REPS2: variants seen among roughly 807,000 people sequenced by gnomAD.
The protein encoded by REPS2 is RALBP1 associated Eps domain containing 2.
REPS2 carries 23 observed loss-of-function variants against 53.6 expected under a neutral mutation model. That is an observed-to-expected ratio of 0.43 (90% CI 0.31 to 0.61). The LOEUF (loss-of-function observed/expected upper bound fraction) is 0.61. REPS2 is among the 20% of genes least tolerant of loss of function. The probability of loss-of-function intolerance (pLI) is 0.11; values close to 1 mark genes in which losing one functional copy is unlikely to be tolerated. For missense variants in REPS2, 446 were observed against 534.9 expected (o/e 0.83, Z 1.64); for synonymous variants, 238 against 218.6 (o/e 1.09, Z -0.78).
intron 14 of REPS2, among the ~76,000 whole-genome samples, chrX:17,111,456 A>G (rs2062970449): frequency 8.9e-6 from 1 of 112,697 alleles, no homozygotes; most frequent in Non-Finnish European, 1.9e-5. Flanking sequence ...TTATAAACGT[A>G]TATCACTTAA....
chrX:16,966,469 A>G (rs2060771126), intron 1 of REPS2, among the ~76,000 whole-genome samples: 1 of 112,441 alleles, frequency 8.9e-6, no homozygotes, highest in Non-Finnish European at 1.9e-5. Context: ...ACCCAAGTCT[A>G]AACACGAAAT....
intron 12 of REPS2, among the ~76,000 whole-genome samples, chrX:17,075,230 G>T (rs140570329): frequency 1.2e-4 from 13 of 112,148 alleles, no homozygotes; most frequent in African/African-American, 4.2e-4. Context: ...GTCTGTACTA[G>T]TTGTGGGATA....
chrX:17,118,642 CA>C (rs2063097958), intron 14 of REPS2, among the ~76,000 whole-genome samples: 1 of 112,129 alleles, frequency 8.9e-6, no homozygotes. Context: ...AGAGAAAAAT[CA>C]TTCATTATAC....
At chrX:17,128,004 T>C (rs1057053834) in intron 14 of REPS2, among the ~76,000 whole-genome samples, 2 of 111,601 alleles carry the variant, frequency 1.8e-5, no homozygotes, top group African/African-American at 6.5e-5. Context: ...ATGTGGCAGC[T>C]GACTGTCTCC....
chrX:17,099,990 C>T (rs1032019085), intron 13 of REPS2: 25 of 1,151,991 alleles, frequency 2.2e-5, no homozygotes, highest in South Asian at 1.3e-4. Context: ...AGCAAAGCCT[C>T]GTGGCTTTTC....
intron 16 of REPS2, chrX:17,138,510 A>T (rs954002325): frequency 4.6e-5 from 6 of 129,508 alleles, no homozygotes; most frequent in African/African-American, 1.6e-4. Context: ...AAGTGCTATT[A>T]ATTCTTACAC....
chrX:17,193,296 C>T, the REPS2 span, among the ~76,000 whole-genome samples: 1 of 111,957 alleles, frequency 8.9e-6, no homozygotes, highest in African/African-American at 3.3e-5. Context: ...ATTGTGGTGG[C>T]TTTGTGGTTG....
At chrX:17,136,271 G>A (rs931841445) in intron 16 of REPS2, 6 of 112,502 alleles carry the variant, frequency 5.3e-5, no homozygotes, top group Non-Finnish European at 9.4e-5. Flanking sequence ...GGAGATGTTA[G>A]CAACTTGTCT....
At chrX:17,190,977 C>T in the REPS2 span, among the ~76,000 whole-genome samples, 2 of 111,615 alleles carry the variant, frequency 1.8e-5, no homozygotes, top group African/African-American at 6.5e-5. Flanking sequence ...TCAAATGGAT[C>T]ATAGACATAA....
At chrX:17,107,850 A>G (rs1711990117) in intron 14 of REPS2, among the ~76,000 whole-genome samples, 1 of 112,147 alleles carries the variant, frequency 8.9e-6, no homozygotes, top group African/African-American at 3.2e-5. Context: ...AGACTTATTT[A>G]TAGCATAAAT....
At chrX:16,988,222 C>T (rs1569109429) in intron 1 of REPS2, among the ~76,000 whole-genome samples, 1 of 111,371 alleles carries the variant, frequency 9.0e-6, no homozygotes, top group Non-Finnish European at 1.9e-5. Context: ...GTGAAGTGAG[C>T]CATGGTGACT....
At chrX:16,947,372 A>T (rs1043090512) in intron 1 of REPS2, among the ~76,000 whole-genome samples, 5 of 111,732 alleles carry the variant, frequency 4.5e-5, no homozygotes, top group Non-Finnish European at 7.5e-5. Flanking sequence ...TCCTTCCCTG[A>T]GACAGTCTGA....
chrX:17,181,175 C>A, the REPS2 span, among the ~76,000 whole-genome samples: 1 of 112,550 alleles, frequency 8.9e-6, no homozygotes, highest in South Asian at 3.7e-4. Flanking sequence ...CCCTCACCCC[C>A]CTAGGGGGAA....
At chrX:17,050,632 C>G (rs778200461) in intron 6 of REPS2, among the ~76,000 whole-genome samples, 1 of 111,058 alleles carries the variant, frequency 9.0e-6, no homozygotes, top group Non-Finnish European at 1.9e-5. Flanking sequence ...AGAACGTATC[C>G]CTTTTTCTAG....
intron 14 of REPS2, among the ~76,000 whole-genome samples, chrX:17,124,120 T>C (rs1307579015): frequency 1.8e-5 from 2 of 112,382 alleles, no homozygotes; most frequent in Non-Finnish European, 3.8e-5. Context: ...GCTCACACAA[T>C]GAGCAACTGC....
chrX:17,062,873 C>T (rs1238165095), intron 9 of REPS2, among the ~76,000 whole-genome samples: 2 of 111,986 alleles, frequency 1.8e-5, no homozygotes, highest in Non-Finnish European at 3.8e-5. Context: ...CTTTAATTCC[C>T]TAGTAAACAA....
intron 1 of REPS2, among the ~76,000 whole-genome samples, chrX:16,982,675 G>A (rs1170611347): frequency 8.9e-6 from 1 of 111,857 alleles, no homozygotes; most frequent in Non-Finnish European, 1.9e-5. Context: ...CTTTGGCCAC[G>A]GATTTGCTTT....
chrX:17,085,258 CAGTGTCTTGATAATT>C (rs2062517428), intron 13 of REPS2, among the ~76,000 whole-genome samples: 1 of 112,319 alleles, frequency 8.9e-6, no homozygotes, highest in Non-Finnish European at 1.9e-5. Context: ...GCCAGTACCA[CAGTGTCTTGATAATT>C]GTAGATTTAT....
intron 14 of REPS2, among the ~76,000 whole-genome samples, chrX:17,116,768 A>T (rs2063061902): frequency 8.9e-6 from 1 of 111,985 alleles, no homozygotes; most frequent in Non-Finnish European, 1.9e-5. Context: ...TTTAACTTTG[A>T]GGATTCTAAA....
Sources: gnomAD v4.1 joint callset for allele counts (sites outside exome capture counted in the v4.1 genomes callset) on GRCh38, gnomAD v4.1.1 for gene constraint, MANE v1.5 for transcripts, NCBI Gene and HGNC (gene_info 2026-07-23, HGNC 2026-07-21) for gene names.